The following TGFBR3 variants were observed in gnomAD, a reference collection of about 807,000 sequenced individuals.
TGFBR3 encodes transforming growth factor beta receptor 3, also known as transforming growth factor beta receptor type 3.
Under a neutral mutation model 87.9 loss-of-function variants are expected in TGFBR3, and 46 were observed. The ratio of observed to expected loss-of-function variants is 0.52; its 90% CI spans 0.41 to 0.67. The LOEUF is 0.67. Ranked by LOEUF, TGFBR3 falls within the 30% of genes least tolerant of loss-of-function variation. The probability of loss-of-function intolerance (pLI) is 0.00; values close to 1 mark genes in which losing one functional copy is unlikely to be tolerated. For synonymous variants in TGFBR3, 381 were observed against 391.6 expected (o/e 0.97, Z 0.32); for missense variants, 866 against 1,041.9 (o/e 0.83, Z 2.32).
At chr1:91,887,695 C>T (rs1381868767), upstream of TGFBR3, among the ~76,000 whole-genome samples, 3 of 152,094 alleles carry the variant, frequency 2.0e-5, no homozygotes, top group African/African-American at 7.2e-5. Context: ...GCAGAGAATC[C>T]ACCCAATTGC....
At chr1:91,748,092 A>G (rs368756718) in intron 4 of TGFBR3, among the ~76,000 whole-genome samples, 5 of 152,206 alleles carry the variant, frequency 3.3e-5, no homozygotes, top group Non-Finnish European at 7.3e-5. Context: ...TTTGGGAAAA[A>G]AAGTTCTAAA....
intron 11 of TGFBR3, 63 bp downstream of exon 11, chr1:91,716,505 T>C: frequency 6.2e-7 from 1 of 1,614,024 alleles, no homozygotes; most frequent in Admixed American, 1.7e-5. Context: ...AGATAGTCCC[T>C]AACTAAAGCC....
At chr1:91,704,097 G>A (rs533297512) in intron 14 of TGFBR3, among the ~76,000 whole-genome samples, 1 of 152,250 alleles carries the variant, frequency 6.6e-6, no homozygotes, top group East Asian at 1.9e-4. Flanking sequence ...GGAGGCCGAG[G>A]TGGATGGATC....
At chr1:91,815,884 A>T (rs983213247) in intron 2 of TGFBR3, among the ~76,000 whole-genome samples, 1 of 152,228 alleles carries the variant, frequency 6.6e-6, no homozygotes, top group East Asian at 1.9e-4. Flanking sequence ...AAGAAAGCCA[A>T]CCAAGACAGA....
intron 1 of TGFBR3, among the ~76,000 whole-genome samples, chr1:91,873,181 G>C (rs1368848976): frequency 6.6e-6 from 1 of 151,826 alleles, no homozygotes; most frequent in Non-Finnish European, 1.5e-5. Context: ...ATGTTATCCA[G>C]GCTAATCTTG....
At chr1:91,853,837 C>T (rs1329251662) in intron 2 of TGFBR3, among the ~76,000 whole-genome samples, 2 of 152,120 alleles carry the variant, frequency 1.3e-5, no homozygotes, top group East Asian at 3.9e-4. Flanking sequence ...TATGGTGAAA[C>T]CCCATCTCTA....
At position 91,681,068 on chromosome 1, in the gene TGFBR3, T is replaced by C. The variant is rs185197797; in HGVS notation, c.*2671A>G. On this transcript the variant is annotated 3_prime_UTR_variant, in exon 17 of 17. Transcript: ENST00000212355. ...CAAAATGGCCTCTGCAAATTAAGGG[T>C]GTAGCCTGCAGAAATAACAAAAGAC... 31 of 454,024 alleles carry C rather than the reference T, an allele frequency of 6.8e-5. No individual in the cohort carries two copies. Among genetic ancestry groups the C allele is most frequent in the Admixed American group, 5.9e-4 (25 of 42,566 alleles). The allele number at this position is 454,024 out of a possible 1,614,324, so 28.1% of individuals were successfully genotyped here.
At chr1:91,870,617 T>C (rs922754792) in intron 1 of TGFBR3, among the ~76,000 whole-genome samples, 4 of 152,180 alleles carry the variant, frequency 2.6e-5, no homozygotes, top group African/African-American at 9.7e-5. Context: ...ATCATGTATA[T>C]CACAATTTCC....
chr1:91,855,837 T>C (rs1677919113), intron 2 of TGFBR3, among the ~76,000 whole-genome samples: 1 of 152,176 alleles, frequency 6.6e-6, no homozygotes, highest in South Asian at 2.1e-4. Flanking sequence ...GGCCAATAAA[T>C]AACCTTAGAT....
Position 91,830,139 on chromosome 1 carries a change from C to T in TGFBR3, c.61+31332G>A, listed in dbSNP as rs1371588964. 10 of 152,356 alleles carry T rather than the reference C, an allele frequency of 6.6e-5. No homozygotes were observed. In the East Asian group the frequency reaches 1.9e-3, roughly 29 times the overall value. The allele number at this position is 152,356 out of a possible 1,614,324, so 9.4% of individuals were successfully genotyped here. ...TACTCAACACTCTTTCCATCTAAAA[C>T]CAGAACTAGAGGCCAGACCTGAGCA... On this transcript the variant is annotated intron_variant, in intron 2 of 16. Coordinates refer to ENST00000212355, the MANE Select transcript of TGFBR3 (RefSeq NM_003243.5).
In TGFBR3 at chr1:91,719,880, C is replaced by T; in HGVS notation, c.1413+13G>A. ...GGTAGCCTCTCTTCCCTCCTGTAAT[C>T]AGCTGCACCGACCTGAAAAGAATCT... is the stretch of plus-strand genomic sequence containing the variant. On this transcript the variant is annotated intron_variant, in intron 9 of 16. Coordinates refer to ENST00000212355, the MANE Select transcript of TGFBR3 (RefSeq NM_003243.5). 6.2e-7 allele frequency: 1 copy of T among 1,613,986 alleles called. No homozygotes were observed. Among genetic ancestry groups the T allele is most frequent in the South Asian group, 1.1e-5 (1 of 91,074 alleles).
rs181229553 is a variant in TGFBR3 at position 91,826,941 on chromosome 1, G to A, written c.62-29470C>T. ...ATGAACAGAGAGTTATCAATCTGTTGTTATACTCAACCCCAAACATTTTTA... is the reference window on the plus strand; with the variant it reads ...ATGAACAGAGAGTTATCAATCTGTTATTATACTCAACCCCAAACATTTTTA... On this transcript the variant is annotated intron_variant, in intron 2 of 16. Transcript: ENST00000212355. Among the ~76,000 whole-genome samples, 51 of 152,194 alleles carry A rather than the reference G, an allele frequency of 3.4e-4. 1 individual carries two copies. Among genetic ancestry groups the A allele is most frequent in the African/African-American group, 1.2e-3 (49 of 41,522 alleles).
At chr1:91,828,085 C>G (rs547656304) in intron 2 of TGFBR3, among the ~76,000 whole-genome samples, 1 of 152,196 alleles carries the variant, frequency 6.6e-6, no homozygotes, top group Non-Finnish European at 1.5e-5. Context: ...AGGTCTGCTT[C>G]TCAAAGCCTG....
chr1:91,730,514 T>A (rs187373129), intron 5 of TGFBR3, among the ~76,000 whole-genome samples: 5 of 152,304 alleles, frequency 3.3e-5, no homozygotes, highest in Admixed American at 3.3e-4. Flanking sequence ...ATGACTCCTT[T>A]TCTGAGCAGT....
intron 2 of TGFBR3, among the ~76,000 whole-genome samples, chr1:91,842,108 A>G (rs1274083204): frequency 6.6e-6 from 1 of 152,034 alleles, no homozygotes; most frequent in East Asian, 1.9e-4. Flanking sequence ...CCAAAAAAAA[A>G]AAGAAAGAAA....
chr1:91,699,370 CCT>C (rs1671542904), intron 14 of TGFBR3, among the ~76,000 whole-genome samples: 1 of 151,514 alleles, frequency 6.6e-6, no homozygotes, highest in African/African-American at 2.4e-5. Context: ...TTCCATCCCT[CCT>C]CTGTTACACT....
chr1:91,775,805 T>A (rs1674547018), intron 3 of TGFBR3, among the ~76,000 whole-genome samples: 2 of 152,230 alleles, frequency 1.3e-5, no homozygotes, highest in African/African-American at 4.8e-5. Flanking sequence ...AGCCCTGCAG[T>A]GCTGAATTTC....
intron 16 of TGFBR3, among the ~76,000 whole-genome samples, chr1:91,692,751 G>A (rs2100707367): frequency 6.6e-6 from 1 of 152,268 alleles, no homozygotes; most frequent in East Asian, 1.9e-4. Context: ...TGTGCCCAGA[G>A]TTGTCATATG....
intron 2 of TGFBR3, among the ~76,000 whole-genome samples, chr1:91,853,259 C>CAAAAAAAAA (rs11340974): frequency 5.2e-5 from 4 of 76,586 alleles, no homozygotes; most frequent in Admixed American, 1.4e-4. Flanking sequence ...TGAGGGTTGG[C>CAAAAAAAAA]AAAAAAAAAA....
Sources: gnomAD v4.1 joint callset for allele counts (sites outside exome capture counted in the v4.1 genomes callset) on GRCh38, gnomAD v4.1.1 for gene constraint, MANE v1.5 for transcripts, NCBI Gene and HGNC (gene_info 2026-07-23, HGNC 2026-07-21) for gene names.